ITSN1: variants seen among roughly 807,000 people sequenced by gnomAD.
ITSN1 encodes intersectin 1, also known as intersectin-1.
Under a neutral mutation model 239.8 loss-of-function variants are expected in ITSN1, and 58 were observed. The ratio of observed to expected loss-of-function variants is 0.24; its 90% CI spans 0.20 to 0.30. The LOEUF is 0.30. Ranked by LOEUF, ITSN1 falls within the 10% of genes least tolerant of loss-of-function variation. The pLI, the probability that ITSN1 is intolerant of heterozygous loss-of-function variation, is 1.00. For missense variants in ITSN1, 1,558 were observed against 2,103.3 expected (o/e 0.74, Z 5.07); for synonymous variants, 780 against 770.8 (o/e 1.01, Z -0.20).
chr21:33,887,593 C>T (rs963868780), intron 39 of ITSN1, among the ~76,000 whole-genome samples: 2 of 128,098 alleles, frequency 1.6e-5, no homozygotes, highest in Non-Finnish European at 3.5e-5. Context: ...ATTCTTTTTT[C>T]TTTTTATTTT....
intron 33 of ITSN1, among the ~76,000 whole-genome samples, chr21:33,873,932 A>G (rs1439869428): frequency 2.0e-5 from 3 of 152,044 alleles, no homozygotes; most frequent in Non-Finnish European, 4.4e-5. Context: ...AGGCCGAGGC[A>G]GGCAGAACAT....
At chr21:33,763,158 C>T (rs541815780) in intron 9 of ITSN1, among the ~76,000 whole-genome samples, 1 of 142,940 alleles carries the variant, frequency 7.0e-6, no homozygotes, top group African/African-American at 2.6e-5. Flanking sequence ...TTTATGTCTC[C>T]TTTAATCTAT....
intron 9 of ITSN1, among the ~76,000 whole-genome samples, chr21:33,763,225 C>T (rs1197000320): frequency 5.3e-5 from 5 of 94,554 alleles, no homozygotes; most frequent in African/African-American, 1.9e-4. Flanking sequence ...GGCCGCCCCC[C>T]AACCAAAAAA....
At chr21:33,673,772 A>G (rs1382370286) in intron 1 of ITSN1, among the ~76,000 whole-genome samples, 1 of 152,130 alleles carries the variant, frequency 6.6e-6, no homozygotes, top group Non-Finnish European at 1.5e-5. Flanking sequence ...CTGGCTCATT[A>G]ATTTATTGAA....
rs1986373045 is a variant in ITSN1 at position 33,891,664 on chromosome 21, T to TG, written c.*3365dup. On this transcript the variant is annotated 3_prime_UTR_variant, in exon 40 of 40. Coordinates refer to ENST00000381318, the MANE Select transcript of ITSN1 (RefSeq NM_003024.3). ...CTCTCCAGGAACTGGCTAGGACAAG[T>TG]GTAAAGCCACTGACCACACAGAACC... 1.3e-5 allele frequency: 2 copies of TG among 152,272 alleles called. No individual in the cohort carries two copies. Among genetic ancestry groups the TG allele is most frequent in the African/African-American group, 4.8e-5 (2 of 41,534 alleles). The allele number at this position is 152,272 out of a possible 1,614,324, so 9.4% of individuals were successfully genotyped here.
Position 33,832,201 on chromosome 21 carries a change from G to A in ITSN1, c.3352-2106G>A, listed in dbSNP as rs577545419. ...TTGTTCATGACATTTCTCACCAGCG[G>A]CCAACCAGCTCCAACCTCTCCACTT... On this transcript the variant is annotated intron_variant, in intron 27 of 39. Coordinates refer to ENST00000381318, the MANE Select transcript of ITSN1 (RefSeq NM_003024.3). Among the ~76,000 whole-genome samples the A allele has an allele frequency of 2.0e-5, 3 of 152,244 alleles. No individual in the cohort carries two copies. In the East Asian group the frequency reaches 5.8e-4, roughly 29 times the overall value.
intron 33 of ITSN1, among the ~76,000 whole-genome samples, chr21:33,873,468 G>A (rs1983091303): frequency 6.6e-6 from 1 of 152,198 alleles, no homozygotes; most frequent in South Asian, 2.1e-4. Context: ...CACTTTCTAA[G>A]GGCCAGGTGC....
intron 9 of ITSN1, among the ~76,000 whole-genome samples, chr21:33,765,055 C>T (rs975681512): frequency 2.0e-5 from 3 of 152,208 alleles, no homozygotes; most frequent in East Asian, 1.9e-4. Flanking sequence ...AAGTTTTTAT[C>T]GTACAAATAG....
At chr21:33,685,051 C>T (rs2091171028) in intron 1 of ITSN1, among the ~76,000 whole-genome samples, 1 of 152,154 alleles carries the variant, frequency 6.6e-6, no homozygotes. Flanking sequence ...ATCTTGTCTC[C>T]ATCCTGCCAC....
At chr21:33,880,705 C>G (rs1209796763) in intron 34 of ITSN1, among the ~76,000 whole-genome samples, 1 of 152,184 alleles carries the variant, frequency 6.6e-6, no homozygotes, top group Non-Finnish European at 1.5e-5. Context: ...CACAAATACT[C>G]TCTTCAGAGA....
chr21:33,679,770 T>C (rs1169761005), intron 1 of ITSN1, among the ~76,000 whole-genome samples: 4 of 133,138 alleles, frequency 3.0e-5, no homozygotes, highest in South Asian at 2.5e-4. Context: ...GTGGCAGAGC[T>C]CACTGCAAGC....
At chr21:33,833,291 G>GCGGTGAAAAATGTGGCTTTAGT in intron 27 of ITSN1, among the ~76,000 whole-genome samples, 1 of 152,244 alleles carries the variant, frequency 6.6e-6, no homozygotes, top group East Asian at 1.9e-4. Flanking sequence ...GAAAGGAATG[G>GCGGTGAAAAATGTGGCTTTAGT]CGGTGAAAAA....
intron 1 of ITSN1, among the ~76,000 whole-genome samples, chr21:33,693,384 TTTACTC>T (rs916132794): frequency 2.6e-5 from 4 of 151,852 alleles, no homozygotes; most frequent in Admixed American, 6.6e-5. Flanking sequence ...GGGATGGAGT[TTTACTC>T]TTATTGTCCA....
intron 38 of ITSN1, 33 bp from the exon 39 acceptor site, chr21:33,886,254 G>A (rs1288226337): frequency 2.0e-6 from 3 of 1,534,366 alleles, no homozygotes; most frequent in South Asian, 1.2e-5. Context: ...TGAGGTGTGA[G>A]TTCCACCTGG....
chr21:33,716,164 A>G (rs1047651948), intron 1 of ITSN1, among the ~76,000 whole-genome samples: 30 of 152,224 alleles, frequency 2.0e-4, no homozygotes, highest in African/African-American at 7.2e-4. Flanking sequence ...GGCTCCACGT[A>G]TTCCAAAAGG....
At chr21:33,699,195 T>G (rs1568967721) in intron 1 of ITSN1, among the ~76,000 whole-genome samples, 2 of 152,216 alleles carry the variant, frequency 1.3e-5, no homozygotes, top group Non-Finnish European at 2.9e-5. Flanking sequence ...CCCCTCAATG[T>G]TTCATTGATG....
chr21:33,722,767 C>A, intron 4 of ITSN1, 116 bp downstream of exon 4: 1 of 971,842 alleles, frequency 1.0e-6, no homozygotes, highest in South Asian at 2.9e-5. Context: ...GTATCTCTAG[C>A]CTGAAATATC....
At chr21:33,712,027 C>A (rs564207922) in intron 1 of ITSN1, among the ~76,000 whole-genome samples, 4 of 152,092 alleles carry the variant, frequency 2.6e-5, no homozygotes, top group Non-Finnish European at 5.9e-5. Context: ...TCATTTGATT[C>A]TTTTTAAACT....
chr21:33,885,434 C>CA lies in ITSN1; in HGVS notation c.4760-4dup, dbSNP rs1381952468. The CA allele has an allele frequency of 2.2e-5, 36 of 1,613,706 alleles. No homozygotes were observed. The highest frequency in any genetic ancestry group is 3.0e-5 in the Non-Finnish European group (35 of 1,179,784). On this transcript the variant is annotated splice_region_variant and splice_polypyrimidine_tract_variant and intron_variant, in intron 37 of 39. Coordinates refer to ENST00000381318, the MANE Select transcript of ITSN1 (RefSeq NM_003024.3). ...AAGCATTTTGTGTTTTTCCTGCCGT[C>CA]ATAGTCCGTTCCCAAAGGGCAACAG... is the stretch of plus-strand genomic sequence containing the variant.
Sources: gnomAD v4.1 joint callset for allele counts (sites outside exome capture counted in the v4.1 genomes callset) on GRCh38, gnomAD v4.1.1 for gene constraint, MANE v1.5 for transcripts, NCBI Gene and HGNC (gene_info 2026-07-23, HGNC 2026-07-21) for gene names.